Variants in GTPBP1 observed in about 807,000 individuals in gnomAD.
The protein encoded by GTPBP1 is GTP binding protein 1.
Under a neutral mutation model 62.0 loss-of-function variants are expected in GTPBP1, and 23 were observed. The observed-to-expected ratio is 0.37, with a 90% CI of 0.27 to 0.53. The LOEUF is 0.53. Ranked by LOEUF, GTPBP1 falls within the 20% of genes least tolerant of loss-of-function variation. The pLI, the probability that GTPBP1 is intolerant of heterozygous loss-of-function variation, is 0.89. For synonymous variants in GTPBP1, 344 were observed against 364.4 expected, an observed-to-expected ratio of 0.94 and a Z score of 0.64; for missense variants, 640 against 917.3, an observed-to-expected ratio of 0.70 and a Z score of 3.90.
chr22:38,742,688 G>A (rs375066942), downstream of GTPBP1: 2 of 1,233,434 alleles, frequency 1.6e-6, no homozygotes. Context: ...AGGCCATGCA[G>A]GGCCGGCTGG....
intron 1 of GTPBP1, 37 bp from the exon 2 acceptor site, chr22:38,708,808 G>T (rs778768235): frequency 8.8e-7 from 1 of 1,138,180 alleles, no homozygotes; most frequent in South Asian, 1.2e-5. Flanking sequence ...TGCTCTTCTA[G>T]CAAGTGTGGT....
Position 38,706,114 on chromosome 22 carries a change from C to A in GTPBP1, c.159C>A (p.Leu53=). 1 of 1,304,804 alleles carries A rather than the reference C, an allele frequency of 7.7e-7. No individual in the cohort carries two copies. Among genetic ancestry groups the A allele is most frequent in the South Asian group, 2.0e-5 (1 of 49,514 alleles). 80.8% of individuals were successfully genotyped at this position (1,304,804 alleles called of 1,614,324 possible). ...ACTGCAGCGAGGACGGCGAGGCGCT[C>A]AACGGCGAGCCAGAGCTGGACCTCA... ...DSDCSEDGEA[L]NGEPELDLTS... The change falls in exon 1 of 12, where the codon CTC becomes CTA. Residue 53 remains leucine (L), a synonymous_variant. Coordinates refer to ENST00000216044, the MANE Select transcript of GTPBP1 (RefSeq NM_004286.5).
At chr22:38,728,337 T>C in intron 10 of GTPBP1, 176 bp downstream of exon 10, 1 of 588,428 alleles carries the variant, frequency 1.7e-6, no homozygotes, top group Non-Finnish European at 3.1e-6. Context: ...CCTCCTGTCC[T>C]GGGCAGTGGT....
At position 38,715,900 on chromosome 22, in the gene GTPBP1, T is replaced by C; in HGVS notation, c.305-7T>C. On this transcript the variant is annotated splice_region_variant and splice_polypyrimidine_tract_variant and intron_variant, in intron 2 of 11. Coordinates refer to ENST00000216044, the MANE Select transcript of GTPBP1 (RefSeq NM_004286.5). ...TCTCCTGCTGATGTCTGGGCTCTTGTCACCAGATGGGACTGAGTATGGGCT... is the reference window on the plus strand; with the variant it reads ...TCTCCTGCTGATGTCTGGGCTCTTGCCACCAGATGGGACTGAGTATGGGCT... 1 of 1,596,848 alleles carries C rather than the reference T, an allele frequency of 6.3e-7. No homozygotes were observed. The highest frequency in any genetic ancestry group is 1.8e-5 in the Admixed American group (1 of 56,442).
downstream of GTPBP1, chr22:38,742,731 T>G: frequency 1.4e-6 from 1 of 731,892 alleles, no homozygotes; most frequent in Non-Finnish European, 2.1e-6. Flanking sequence ...ACCTCTGAGC[T>G]GGGTGTGCTG....
intron 1 of GTPBP1, among the ~76,000 whole-genome samples, chr22:38,708,335 C>G (rs1166920528): frequency 6.6e-6 from 1 of 152,206 alleles, no homozygotes; most frequent in Admixed American, 6.5e-5. Context: ...GAAGATGAGT[C>G]TTGCAGGCAG....
intron 4 of GTPBP1, among the ~76,000 whole-genome samples, chr22:38,718,954 C>T (rs2092685293): frequency 6.6e-6 from 1 of 152,124 alleles, no homozygotes; most frequent in Non-Finnish European, 1.5e-5. Context: ...AACATTTTGC[C>T]ATATTTATGT....
At chr22:38,729,854 A>G (rs534385440) in intron 11 of GTPBP1, among the ~76,000 whole-genome samples, 192 bp downstream of exon 11, 181 of 152,346 alleles carry the variant, frequency 1.2e-3, no homozygotes, top group Non-Finnish European at 2.1e-3. Flanking sequence ...CAAATCAGGG[A>G]ATACAGCCCA....
downstream of GTPBP1, chr22:38,740,205 A>G (rs1051105778): frequency 4.8e-6 from 7 of 1,470,954 alleles, 1 homozygote; most frequent in South Asian, 8.3e-5. This position sits in a 1 kb window ranked among gnomAD's most constrained non-coding sequence, Gnocchi z 4.8. Context: ...TGCAGGCCCC[A>G]GGACACGTCG....
downstream of GTPBP1, chr22:38,740,117 TGAGA>T: frequency 8.1e-7 from 1 of 1,240,756 alleles, no homozygotes; most frequent in Non-Finnish European, 1.1e-6. The surrounding 1 kb of genome is among the most constrained non-coding windows in gnomAD (Gnocchi z 4.8). Flanking sequence ...CGCCTGTCAG[TGAGA>T]GCCCACATGT....
chr22:38,706,410 A>G, intron 1 of GTPBP1: 1 of 304,704 alleles, frequency 3.3e-6, no homozygotes, highest in Non-Finnish European at 6.0e-6. Context: ...CGAGATCGTA[A>G]CCCCTCGGCT....
chr22:38,711,833 TAAAA>T (rs370698760), intron 2 of GTPBP1, among the ~76,000 whole-genome samples: 14 of 148,018 alleles, frequency 9.5e-5, no homozygotes, highest in African/African-American at 3.5e-4. Context: ...GAAAAACAAT[TAAAA>T]AAAAAAGTTC....
downstream of GTPBP1, chr22:38,742,186 C>T: frequency 7.4e-7 from 1 of 1,347,082 alleles, no homozygotes; most frequent in Non-Finnish European, 1.0e-6. Flanking sequence ...GGAGTAACTG[C>T]AAAATGGCAG....
At chr22:38,712,128 G>A (rs891238410) in intron 2 of GTPBP1, among the ~76,000 whole-genome samples, 1 of 152,140 alleles carries the variant, frequency 6.6e-6, no homozygotes, top group Non-Finnish European at 1.5e-5. Context: ...TGATCCCCCT[G>A]AGCCTCAAAG....
At chr22:38,734,069 T>C, downstream of GTPBP1, 1 of 277,430 alleles carries the variant, frequency 3.6e-6, no homozygotes, top group South Asian at 2.7e-5. Flanking sequence ...GGGGGCTGGA[T>C]TTGTGCCTCA....
downstream of GTPBP1, chr22:38,736,028 G>A (rs1236519034): frequency 2.0e-5 from 11 of 556,110 alleles, no homozygotes; most frequent in Non-Finnish European, 3.7e-5. Flanking sequence ...CACACTCCCA[G>A]GATGGGAAGC....
downstream of GTPBP1, chr22:38,740,906 G>A (rs1399855740): frequency 8.5e-6 from 11 of 1,294,692 alleles, no homozygotes; most frequent in Non-Finnish European, 1.2e-5. The surrounding 1 kb of genome is among the most constrained non-coding windows in gnomAD (Gnocchi z 4.8). Context: ...TTGGCAAGAT[G>A]ATCAGAACTC....
At chr22:38,735,624 A>C (rs1249094241), downstream of GTPBP1, 1 of 182,904 alleles carries the variant, frequency 5.5e-6, no homozygotes, top group East Asian at 1.7e-4. Context: ...CACAGCAGCC[A>C]GTCCCCTTTA....
downstream of GTPBP1, chr22:38,736,536 T>G: frequency 1.8e-6 from 1 of 566,042 alleles, no homozygotes; most frequent in Non-Finnish European, 3.0e-6. Context: ...AGCTCCTATC[T>G]TTAGCCTCCT....
Sources: gnomAD v4.1 joint callset for allele counts (sites outside exome capture counted in the v4.1 genomes callset) on GRCh38, gnomAD v4.1.1 for gene constraint, Gnocchi (gnomAD v3.1) non-coding constraint, MANE v1.5 for transcripts, NCBI Gene and HGNC (gene_info 2026-07-23, HGNC 2026-07-21) for gene names.